Variants in CD99 observed in about 807,000 individuals in gnomAD.
CD99 encodes the protein CD99 molecule (Xg blood group), also known as CD99 antigen.
A neutral mutation model predicts 28.4 loss-of-function variants in CD99; 19 were observed. The observed-to-expected ratio is 0.67, with a 90% CI of 0.47 to 0.98. The LOEUF (loss-of-function observed/expected upper bound fraction) is 0.98, where lower values mean the gene tolerates loss of function less well. Among genes scored for constraint, CD99 ranks in the 50% least tolerant of loss-of-function variants. The pLI is 0.00. For missense variants in CD99, 283 were observed against 248.8 expected (o/e 1.14, Z -0.92); for synonymous variants, 103 against 92.1 (o/e 1.12, Z -0.67).
chrX:2,732,719 C>G (rs2049704338), intron 8 of CD99, among the ~76,000 whole-genome samples: 1 of 146,142 alleles, frequency 6.8e-6, no homozygotes, highest in Non-Finnish European at 1.5e-5. Context: ...TTTTTTCTCT[C>G]TTCTTTCCTT....
chrX:2,703,854 C>T (rs777491242), intron 1 of CD99, among the ~76,000 whole-genome samples: 1 of 152,096 alleles, frequency 6.6e-6, no homozygotes, highest in South Asian at 2.1e-4. Flanking sequence ...CCACGTTAGC[C>T]TTGGGGGGTG....
At chrX:2,695,172 A>G (rs1324583725) in intron 1 of CD99, among the ~76,000 whole-genome samples, 1 of 152,090 alleles carries the variant, frequency 6.6e-6, no homozygotes, top group Non-Finnish European at 1.5e-5. Context: ...ACAGTAAGAA[A>G]TAAGACCTGT....
intron 8 of CD99, among the ~76,000 whole-genome samples, chrX:2,732,821 A>G (rs1036222437): frequency 9.3e-6 from 1 of 107,188 alleles, no homozygotes; most frequent in Middle Eastern, 8.2e-3. Flanking sequence ...TTTCCTCTCT[A>G]TTCTTTGTCT....
Position 2,691,969 on chromosome X carries a change from CTG to C in CD99, c.67+545_67+546del, listed in dbSNP as rs759150064. ...AGCCCTGAAAATGTTCAAAAATACT[CTG>C]TGGATGCGGGCTCCGGGAATTTCAG... On this transcript the variant is annotated intron_variant, in intron 1 of 9. Transcript: ENST00000381192. 11 of 770,596 alleles carry C rather than the reference CTG, an allele frequency of 1.4e-5. No individual in the cohort carries two copies. The South Asian group carries it at 1.5e-4, about 10-fold the overall frequency. The allele number at this position is 770,596 out of a possible 1,614,324, so 47.7% of individuals were successfully genotyped here.
intron 1 of CD99, chrX:2,691,699 C>T (rs753351333): frequency 2.8e-6 from 2 of 703,588 alleles, no homozygotes; most frequent in Admixed American, 2.0e-5. Context: ...GGGAGAGGTG[C>T]GTCCGATTTT....
chrX:2,705,453 A>G (rs2124504765), intron 1 of CD99, among the ~76,000 whole-genome samples: 1 of 152,302 alleles, frequency 6.6e-6, no homozygotes, highest in South Asian at 2.1e-4. Flanking sequence ...ATTTTTTTAA[A>G]TGATGTGTTT....
At chrX:2,726,876 T>C (rs1304483253) in intron 8 of CD99, among the ~76,000 whole-genome samples, 1 of 152,152 alleles carries the variant, frequency 6.6e-6, no homozygotes, top group Non-Finnish European at 1.5e-5. Context: ...GGCTCACACC[T>C]GTAATCCCAG....
At chrX:2,700,324 G>A (rs1264841187) in intron 1 of CD99, among the ~76,000 whole-genome samples, 3 of 152,134 alleles carry the variant, frequency 2.0e-5, no homozygotes, top group East Asian at 3.8e-4. Flanking sequence ...CAGGGTCTCC[G>A]TGTTCTAGGT....
At chrX:2,738,830 C>T (rs868620042) in intron 9 of CD99, among the ~76,000 whole-genome samples, 38 of 151,420 alleles carry the variant, frequency 2.5e-4, no homozygotes, top group African/African-American at 7.8e-4. Flanking sequence ...AAATATAACT[C>T]GTTAAGTTTT....
At position 2,714,398 on chromosome X, in the gene CD99, G is replaced by A. The variant is rs373085174; in HGVS notation, c.68-24G>A. On this transcript the variant is annotated intron_variant, in intron 1 of 9. Coordinates refer to ENST00000381192, the MANE Select transcript of CD99 (RefSeq NM_002414.5). ...TTATTTTTATTTTTCTTGTTTCTAA[G>A]TTGACTCTTTTTTTCTCTCTTAGAT... 3.2e-6 allele frequency: 5 copies of A among 1,543,342 alleles called. No individual in the cohort carries two copies. In the African/African-American group the frequency reaches 5.4e-5, roughly 17 times the overall value.
chrX:2,723,240 T>C, intron 6 of CD99, 74 bp from the exon 7 acceptor site: 1 of 1,477,448 alleles, frequency 6.8e-7, no homozygotes, highest in South Asian at 1.1e-5. Flanking sequence ...GACCCCAGCC[T>C]CTTCACGGTC....
intron 8 of CD99, among the ~76,000 whole-genome samples, chrX:2,732,216 C>G (rs1404969387): frequency 6.6e-6 from 1 of 152,100 alleles, no homozygotes; most frequent in Admixed American, 6.6e-5. Context: ...GGGTCTGTGA[C>G]TTCGCATCTG....
rs1021895111 is a variant in CD99, at chrX:2,730,584, A to G, written c.475+4211A>G. ...GGCTAATTTTCTTCTAATATTTTCT[A>G]TAAGTCTCTTATTCTGATGCCAAAT... On this transcript the variant is annotated intron_variant, in intron 8 of 9. Transcript: ENST00000381192. 3.3e-5 allele frequency among the ~76,000 whole-genome samples: 5 copies of G among 152,282 alleles called. No individual in the cohort carries two copies. In the East Asian group the frequency reaches 5.8e-4, roughly 18 times the overall value.
Position 2,692,137 on chromosome X carries a change from AC to A in CD99, c.67+712del, listed in dbSNP as rs1329232121. ...CCACGGTCACCCTCCCACGCCCTAA[AC>A]CGGGCCTATTTCTAATTATTACTTT... is the stretch of plus-strand genomic sequence containing the variant. On this transcript the variant is annotated intron_variant, in intron 1 of 9. Transcript: ENST00000381192. The A allele has an allele frequency of 1.4e-5, 8 of 567,904 alleles. No homozygotes were observed. In the East Asian group the frequency reaches 1.8e-4, roughly 13 times the overall value. The allele number at this position is 567,904 out of a possible 1,614,324, so 35.2% of individuals were successfully genotyped here.
intron 1 of CD99, among the ~76,000 whole-genome samples, chrX:2,703,463 A>AT (rs1413491651): frequency 2.0e-5 from 3 of 152,136 alleles, no homozygotes; most frequent in Non-Finnish European, 4.4e-5. Context: ...TTAGGTAGTG[A>AT]TTGGTTCATG....
intron 1 of CD99, among the ~76,000 whole-genome samples, chrX:2,692,487 G>T (rs1289193732): frequency 2.0e-5 from 3 of 152,192 alleles, no homozygotes; most frequent in Non-Finnish European, 4.4e-5. Context: ...TTTTTAGGGA[G>T]GAGTTGCTAA....
At chrX:2,719,578 T>C (rs2048898279) in intron 3 of CD99, 83 bp from the exon 4 acceptor site, 2 of 1,056,736 alleles carry the variant, frequency 1.9e-6, no homozygotes, top group Middle Eastern at 2.0e-4. Context: ...GGGGCCGTGG[T>C]GTGTTTTTGA....
intron 2 of CD99, chrX:2,717,347 C>CAAAA (rs111805240): frequency 1.9e-3 from 641 of 345,488 alleles, no homozygotes; most frequent in East Asian, 8.7e-3. Flanking sequence ...GACTTGGTCT[C>CAAAA]AAAAAAAAAA....
chrX:2,723,434 A>C, intron 7 of CD99, 70 bp downstream of exon 7: 1 of 1,563,848 alleles, frequency 6.4e-7, no homozygotes, highest in Non-Finnish European at 8.8e-7. Flanking sequence ...AGAATGTCTG[A>C]GAGCTGGCGG....
Sources: allele counts gnomAD v4.1 joint callset (sites outside exome capture counted in the v4.1 genomes callset), GRCh38; gene constraint gnomAD v4.1.1; transcripts MANE v1.5; gene names NCBI Gene and HGNC (gene_info 2026-07-23, HGNC 2026-07-21).